PYDC1: variants seen among roughly 807,000 people sequenced by gnomAD.
PYDC1 encodes the protein pyrin domain-containing protein 1.
In PYDC1, 1 loss-of-function variant was observed where a neutral mutation model predicts 0.7. That is an observed-to-expected ratio of 1.39 (90% CI 0.49 to 6.61). The LOEUF (loss-of-function observed/expected upper bound fraction) is 6.61. Ranked by LOEUF, PYDC1 falls within the 30% of genes most tolerant of loss-of-function variation. PYDC1 has a pLI of 0.14. For synonymous variants in PYDC1, 37 were observed against 60.9 expected (o/e 0.61, Z 1.83); for missense variants, 129 against 124.8 (o/e 1.03, Z -0.16).
In PYDC1 at chr16:31,216,744, A is replaced by T. The variant is rs749331770; in HGVS notation, c.*15T>A. On this transcript the variant is annotated splice_region_variant and 3_prime_UTR_variant, in exon 1 of 2. Transcript: ENST00000302964. The surrounding 1 kb of genome is among the most constrained non-coding windows in gnomAD (Gnocchi z 6.7). ...GGGTTGGGTCCCGAGATCACGTACC[A>T]GCTCAGAGTGGCCCTCACGCAGCCC... The T allele has an allele frequency of 1.3e-6, 2 of 1,587,938 alleles. No homozygotes were observed. The highest frequency in any genetic ancestry group is 3.4e-5 in the Admixed American group (2 of 59,154).
At position 31,217,041 on chromosome 16, in the gene PYDC1, C is replaced by A. The variant is rs1368468605; in HGVS notation, c.-13G>T. 6 of 1,603,740 alleles carry A rather than the reference C, an allele frequency of 3.7e-6. No homozygotes were observed. In the African/African-American group the frequency reaches 5.4e-5, roughly 14 times the overall value. ...GCTTCGTTCCCATGGCTCAGCCCTGCGCCTCTGAGCCTCCGAGGGCCTGGA... is the reference window on the plus strand; with the variant it reads ...GCTTCGTTCCCATGGCTCAGCCCTGAGCCTCTGAGCCTCCGAGGGCCTGGA... On this transcript the variant is annotated 5_prime_UTR_variant, in exon 1 of 2. Transcript: ENST00000302964.
rs1395667498 is a variant in PYDC1, at chr16:31,216,895, C to G, written c.134G>C (p.Gly45Ala). 6.2e-7 allele frequency: 1 copy of G among 1,613,802 alleles called. No homozygotes were observed. ...GGTGAGGTCCACGATATCTAGCTGC[C>G]CGAGCGCGCCCCGCGGGATGCGCTC... The part of the protein sequence containing the change: ...GFERIPRGAL[G>A]QLDIVDLTDK... The change falls in exon 1 of 2, where the codon GGG (glycine) becomes GCG (alanine). Residue 45 changes from glycine to alanine, a missense_variant. By Grantham distance (60) the Gly-to-Ala change is moderately conservative. Coordinates refer to ENST00000302964, the MANE Select transcript of PYDC1 (RefSeq NM_152901.4). This position sits in a 1 kb window ranked among gnomAD's most constrained non-coding sequence, Gnocchi z 6.7.
chr16:31,216,699 G>A lies in PYDC1; in HGVS notation c.*16+44C>T, dbSNP rs1423627945. ...AGGCTCTGGGCGGGACCTGACGCGT[G>A]GGTCCTTGGCGAGGAAGCGGGGTTG... is the stretch of plus-strand genomic sequence containing the variant. On this transcript the variant is annotated intron_variant, in intron 1 of 1. Transcript: ENST00000302964. The surrounding 1 kb of genome is among the most constrained non-coding windows in gnomAD (Gnocchi z 6.7). The A allele has an allele frequency of 5.2e-6, 8 of 1,545,252 alleles. No individual in the cohort carries two copies. Among genetic ancestry groups the A allele is most frequent in the Middle Eastern group, 2.4e-4 (1 of 4,242 alleles).
rs1450023788 is a variant in PYDC1, at chr16:31,216,226, C to T, written c.*17-69G>A. On this transcript the variant is annotated intron_variant, in intron 1 of 1. Coordinates refer to ENST00000302964, the MANE Select transcript of PYDC1 (RefSeq NM_152901.4). The surrounding 1 kb of genome is among the most constrained non-coding windows in gnomAD (Gnocchi z 6.7). ...CCCAGACTTCCCAGGGACCCAGCCT[C>T]TCAGTCCTGCCTGGCCCAGTTCAGC... 1.3e-5 allele frequency: 2 copies of T among 152,868 alleles called. No homozygotes were observed. The highest frequency in any genetic ancestry group is 2.9e-5 in the Non-Finnish European group (2 of 68,602). The allele number at this position is 152,868 out of a possible 1,614,324, so 9.5% of individuals were successfully genotyped here.
At position 31,216,815 on chromosome 16, in the gene PYDC1, C is replaced by A. The variant is rs1473530864; in HGVS notation, c.214G>T (p.Val72Leu). The stretch of plus-strand genomic sequence containing the variant: ...TCCAACATGCGCATGTCGCGCAGCA[C>A]GGCCACGACGAGCTCGGCTGCGTAG... ...EDYAAELVVA[V>L]LRDMRMLEEA... Residue 72 changes from valine to leucine, a missense_variant, in exon 1 of 2, where the codon GTG becomes TTG. By Grantham distance (32) the Val-to-Leu change is conservative. Transcript: ENST00000302964. This position sits in a 1 kb window ranked among gnomAD's most constrained non-coding sequence, Gnocchi z 6.7. The A allele has an allele frequency of 1.2e-6, 2 of 1,612,308 alleles. No homozygotes were observed. Among genetic ancestry groups the A allele is most frequent in the Non-Finnish European group, 8.5e-7 (1 of 1,178,878 alleles).
rs776142717 is a variant in PYDC1 at position 31,216,783 on chromosome 16, G to T, written c.246C>A (p.Ala82=). 6.2e-7 allele frequency: 1 copy of T among 1,605,188 alleles called. No homozygotes were observed. The highest frequency in any genetic ancestry group is 8.5e-7 in the Non-Finnish European group (1 of 1,173,552). The change falls in exon 1 of 2, where the codon GCC becomes GCA. Residue 82 remains alanine, a synonymous_variant. Coordinates refer to ENST00000302964, the MANE Select transcript of PYDC1 (RefSeq NM_152901.4). The surrounding 1 kb of genome is among the most constrained non-coding windows in gnomAD (Gnocchi z 6.7). ...CTCACGCAGCCCGCTGCAGCCGTGC[G>T]GCCTCCTCCAACATGCGCATGTCGC... is the stretch of plus-strand genomic sequence containing the variant. ...VLRDMRMLEE[A]ARLQRAA
In PYDC1 at chr16:31,217,035, G is replaced by A. The variant is rs1391685473; in HGVS notation, c.-7C>T. The stretch of plus-strand genomic sequence containing the variant: ...CCTCGCGCTTCGTTCCCATGGCTCA[G>A]CCCTGCGCCTCTGAGCCTCCGAGGG... On this transcript the variant is annotated 5_prime_UTR_variant, in exon 1 of 2. Transcript: ENST00000302964. The A allele has an allele frequency of 6.2e-7, 1 of 1,606,686 alleles. No homozygotes were observed. The highest frequency in any genetic ancestry group is 1.3e-5 in the African/African-American group (1 of 74,776).
rs568502351 is a variant in PYDC1 at position 31,216,610 on chromosome 16, G to A, written c.*16+133C>T. 15 of 962,496 alleles carry A rather than the reference G, an allele frequency of 1.6e-5. No individual in the cohort carries two copies. The East Asian group carries it at 3.4e-4, about 22-fold the overall frequency. The allele number at this position is 962,496 out of a possible 1,614,324, so 59.6% of individuals were successfully genotyped here. On this transcript the variant is annotated intron_variant, in intron 1 of 1. Coordinates refer to ENST00000302964, the MANE Select transcript of PYDC1 (RefSeq NM_152901.4). The surrounding 1 kb of genome is among the most constrained non-coding windows in gnomAD (Gnocchi z 6.7). ...CGCGGCAGCCCAGCCCTTCGCCCCC[G>A]GGAGGGGCTGGCCGGAGGTCTGAGG...
At position 31,216,928 on chromosome 16, in the gene PYDC1, T is replaced by A; in HGVS notation, c.101A>T (p.Glu34Val). Residue 34 changes from glutamate to valine, a missense_variant, in exon 1 of 2, where the codon GAG becomes GTG. Transcript: ENST00000302964. This position sits in a 1 kb window ranked among gnomAD's most constrained non-coding sequence, Gnocchi z 6.7. ...KMKLGTVPLR[E>V]GFERIPRGAL... ...GCCCCGCGGGATGCGCTCAAAGCCC[T>A]CGCGCAGCGGCACCGTCCCCAGCTT... 6.2e-7 allele frequency: 1 copy of A among 1,614,124 alleles called. No individual in the cohort carries two copies. The highest frequency in any genetic ancestry group is 1.1e-5 in the South Asian group (1 of 91,092).
In PYDC1 at chr16:31,216,710, G is replaced by A; in HGVS notation, c.*16+33C>T. 2 of 1,559,104 alleles carry A rather than the reference G, an allele frequency of 1.3e-6. No individual in the cohort carries two copies. Among genetic ancestry groups the A allele is most frequent in the Non-Finnish European group, 1.7e-6 (2 of 1,149,124 alleles). On this transcript the variant is annotated intron_variant, in intron 1 of 1. Transcript: ENST00000302964. The surrounding 1 kb of genome is among the most constrained non-coding windows in gnomAD (Gnocchi z 6.7). ...GGGACCTGACGCGTGGGTCCTTGGC[G>A]AGGAAGCGGGGTTGGGTCCCGAGAT...
Position 31,217,100 on chromosome 16 carries a change from A to C in PYDC1, c.-72T>G. The C allele has an allele frequency of 6.8e-7, 1 of 1,470,314 alleles. No homozygotes were observed. Among genetic ancestry groups the C allele is most frequent in the Non-Finnish European group, 9.2e-7 (1 of 1,083,028 alleles). The allele number at this position is 1,470,314 out of a possible 1,614,324, so 91.1% of individuals were successfully genotyped here. ...GTCCTACCTTTCCTGCAGCAGGTGG[A>C]GCTGCCGCCCCCGGGGATGTCCCGG... On this transcript the variant is annotated 5_prime_UTR_variant, in exon 1 of 2. Coordinates refer to ENST00000302964, the MANE Select transcript of PYDC1 (RefSeq NM_152901.4).
Position 31,217,111 on chromosome 16 carries a change from C to T in PYDC1, c.-83G>A, listed in dbSNP as rs1165911137. On this transcript the variant is annotated 5_prime_UTR_variant, in exon 1 of 2. Coordinates refer to ENST00000302964, the MANE Select transcript of PYDC1 (RefSeq NM_152901.4). ...CCTGCAGCAGGTGGAGCTGCCGCCCCCGGGGATGTCCCGGGAAGGAGACTG... is the reference window on the plus strand; with the variant it reads ...CCTGCAGCAGGTGGAGCTGCCGCCCTCGGGGATGTCCCGGGAAGGAGACTG... The T allele has an allele frequency of 7.0e-7, 1 of 1,418,470 alleles. No homozygotes were observed. The highest frequency in any genetic ancestry group is 2.5e-5 in the East Asian group (1 of 40,370). 87.9% of individuals were successfully genotyped at this position (1,418,470 alleles called of 1,614,324 possible).
At position 31,216,392 on chromosome 16, in the gene PYDC1, T is replaced by G; in HGVS notation, c.*17-235A>C. ...TTCCATGCTGTGGAAGCTTTGTTCTTTTGCTCTTTGCAATAAATCTTGCTG... is the reference window on the plus strand; with the variant it reads ...TTCCATGCTGTGGAAGCTTTGTTCTGTTGCTCTTTGCAATAAATCTTGCTG... On this transcript the variant is annotated intron_variant, in intron 1 of 1. Coordinates refer to ENST00000302964, the MANE Select transcript of PYDC1 (RefSeq NM_152901.4). The surrounding 1 kb of genome is among the most constrained non-coding windows in gnomAD (Gnocchi z 6.7). The G allele has an allele frequency of 4.3e-6, 1 of 234,472 alleles. No individual in the cohort carries two copies. Among genetic ancestry groups the G allele is most frequent in the Non-Finnish European group, 8.3e-6 (1 of 120,374 alleles). The allele number at this position is 234,472 out of a possible 1,614,324, so 14.5% of individuals were successfully genotyped here. A position where few individuals can be genotyped will look rare whatever the true frequency, so the allele number is the denominator to read the frequency against.
Position 31,216,694 on chromosome 16 carries a change from CG to C in PYDC1, c.*16+48del. On this transcript the variant is annotated intron_variant, in intron 1 of 1. Coordinates refer to ENST00000302964, the MANE Select transcript of PYDC1 (RefSeq NM_152901.4). The surrounding 1 kb of genome is among the most constrained non-coding windows in gnomAD (Gnocchi z 6.7). ...CAGGAAGGCTCTGGGCGGGACCTGACGCGTGGGTCCTTGGCGAGGAAGCGGG... is the reference window on the plus strand; with the variant it reads ...CAGGAAGGCTCTGGGCGGGACCTGACCGTGGGTCCTTGGCGAGGAAGCGGG... 1 of 1,538,564 alleles carries C rather than the reference CG, an allele frequency of 6.5e-7. No homozygotes were observed.
At position 31,217,056 on chromosome 16, in the gene PYDC1, G is replaced by GC; in HGVS notation, c.-29_-28insG. On this transcript the variant is annotated 5_prime_UTR_variant, in exon 1 of 2. Coordinates refer to ENST00000302964, the MANE Select transcript of PYDC1 (RefSeq NM_152901.4). ...CTCAGCCCTGCGCCTCTGAGCCTCC[G>GC]AGGGCCTGGAGCCATCAGGTCCTAC... The GC allele has an allele frequency of 6.3e-7, 1 of 1,595,944 alleles. No individual in the cohort carries two copies. The highest frequency in any genetic ancestry group is 2.3e-5 in the East Asian group (1 of 44,228).
At position 31,217,134 on chromosome 16, in the gene PYDC1, C is replaced by G; in HGVS notation, c.-106G>C. ...CCCCGGGGATGTCCCGGGAAGGAGA[C>G]TGATCTGGCAGCTCCTATTCAACCC... On this transcript the variant is annotated 5_prime_UTR_variant, in exon 1 of 2. Coordinates refer to ENST00000302964, the MANE Select transcript of PYDC1 (RefSeq NM_152901.4). 4.1e-6 allele frequency: 5 copies of G among 1,226,344 alleles called. No homozygotes were observed. Among genetic ancestry groups the G allele is most frequent in the Non-Finnish European group, 5.7e-6 (5 of 884,948 alleles). 76.0% of individuals were successfully genotyped at this position (1,226,344 alleles called of 1,614,324 possible).
In PYDC1 at chr16:31,216,560, G is replaced by A. The variant is rs1162733207; in HGVS notation, c.*16+183C>T. 6.6e-6 allele frequency among the ~76,000 whole-genome samples: 1 copy of A among 152,206 alleles called. No individual in the cohort carries two copies. Among genetic ancestry groups the A allele is most frequent in the Non-Finnish European group, 1.5e-5 (1 of 68,036 alleles). On this transcript the variant is annotated intron_variant, in intron 1 of 1. Coordinates refer to ENST00000302964, the MANE Select transcript of PYDC1 (RefSeq NM_152901.4). This position sits in a 1 kb window ranked among gnomAD's most constrained non-coding sequence, Gnocchi z 6.7. ...CCCAGGAGCCTGGAAGGGGGCAGTG[G>A]GGCGAGATGCAGCCCACCAGGGTTC...
At position 31,215,962 on chromosome 16, in the gene PYDC1, T is replaced by C. The variant is rs925432814; in HGVS notation, c.*212A>G. ...CGGGCACGTGTGCGCGCAGCCCCAG[T>C]AAAGTCTGCCATGAATATTTATTGG... On this transcript the variant is annotated 3_prime_UTR_variant, in exon 2 of 2. Coordinates refer to ENST00000302964, the MANE Select transcript of PYDC1 (RefSeq NM_152901.4). This position sits in a 1 kb window ranked among gnomAD's most constrained non-coding sequence, Gnocchi z 6.3. The C allele has an allele frequency of 6.6e-6, 1 of 152,076 alleles. No individual in the cohort carries two copies. Among genetic ancestry groups the C allele is most frequent in the East Asian group, 1.9e-4 (1 of 5,182 alleles). 9.4% of individuals were successfully genotyped at this position (152,076 alleles called of 1,614,324 possible).
In PYDC1 at chr16:31,216,695, G is replaced by T; in HGVS notation, c.*16+48C>A. ...AGGAAGGCTCTGGGCGGGACCTGAC[G>T]CGTGGGTCCTTGGCGAGGAAGCGGG... On this transcript the variant is annotated intron_variant, in intron 1 of 1. Transcript: ENST00000302964. The surrounding 1 kb of genome is among the most constrained non-coding windows in gnomAD (Gnocchi z 6.7). 1 of 1,538,512 alleles carries T rather than the reference G, an allele frequency of 6.5e-7. No homozygotes were observed. Among genetic ancestry groups the T allele is most frequent in the Non-Finnish European group, 8.8e-7 (1 of 1,136,826 alleles).
Sources: gnomAD v4.1 joint callset for allele counts (sites outside exome capture counted in the v4.1 genomes callset) on GRCh38, gnomAD v4.1.1 for gene constraint, Gnocchi (gnomAD v3.1) non-coding constraint, MANE v1.5 for transcripts, NCBI Gene and HGNC (gene_info 2026-07-23, HGNC 2026-07-21) for gene names.